Variants in RBFOX1 observed in about 807,000 individuals in gnomAD.
RBFOX1 encodes RNA binding fox-1 homolog 1, also known as RNA binding protein fox-1 homolog 1.
RBFOX1 carries 8 observed loss-of-function variants against 57.7 expected under a neutral mutation model. That is an observed-to-expected ratio of 0.14 (90% CI 0.08 to 0.25). The LOEUF (loss-of-function observed/expected upper bound fraction) is 0.25. Among genes scored for constraint, RBFOX1 ranks in the 10% least tolerant of loss-of-function variants. The pLI is 1.00. For synonymous variants in RBFOX1, 326 were observed against 222.4 expected (o/e 1.47, Z -4.15); for missense variants, 611 against 548.5 (o/e 1.11, Z -1.14).
At chr16:7,004,772 C>G (rs536854086) in intron 3 of RBFOX1, among the ~76,000 whole-genome samples, 1 of 152,162 alleles carries the variant, frequency 6.6e-6, no homozygotes, top group Non-Finnish European at 1.5e-5. Context: ...ATTGGCTGTA[C>G]CAGATTAAGA....
At chr16:6,902,827 C>G (rs778819582) in intron 3 of RBFOX1, among the ~76,000 whole-genome samples, 11 of 152,178 alleles carry the variant, frequency 7.2e-5, no homozygotes, top group Non-Finnish European at 1.6e-4. Flanking sequence ...CATGATTGTA[C>G]ACTGTTTTCC....
At chr16:6,525,682 C>A (rs1269321459) in intron 2 of RBFOX1, among the ~76,000 whole-genome samples, 1 of 152,072 alleles carries the variant, frequency 6.6e-6, no homozygotes, top group Non-Finnish European at 1.5e-5. Context: ...TGTCTTGTTG[C>A]TGTGTTCACT....
intron 4 of RBFOX1, among the ~76,000 whole-genome samples, chr16:7,321,507 G>A (rs1021999523): frequency 6.6e-6 from 1 of 152,112 alleles, no homozygotes; most frequent in Non-Finnish European, 1.5e-5. Flanking sequence ...AGCATAACAT[G>A]GGATTATGTA....
intron 4 of RBFOX1, among the ~76,000 whole-genome samples, chr16:7,193,569 G>A (rs2085956729): frequency 6.6e-6 from 1 of 152,202 alleles, no homozygotes; most frequent in South Asian, 2.1e-4. Flanking sequence ...GCTCTTATGA[G>A]CATTTTACAT....
chr16:6,718,227 A>G (rs2065225384), intron 3 of RBFOX1, among the ~76,000 whole-genome samples: 1 of 152,166 alleles, frequency 6.6e-6, no homozygotes, highest in Non-Finnish European at 1.5e-5. Flanking sequence ...ATTAATGTTT[A>G]TATATTGGTC....
intron 4 of RBFOX1, among the ~76,000 whole-genome samples, chr16:5,900,411 A>G (rs1424578309): frequency 6.6e-6 from 1 of 152,206 alleles, no homozygotes; most frequent in Non-Finnish European, 1.5e-5. Flanking sequence ...GAAAAAAAGA[A>G]AGAGAAAATT....
chr16:5,440,381 T>C (rs574155475), intron 1 of RBFOX1, among the ~76,000 whole-genome samples: 16 of 152,350 alleles, frequency 1.1e-4, no homozygotes, highest in African/African-American at 3.8e-4. Context: ...ATCACAAGTT[T>C]AGAGAACAGG....
intron 4 of RBFOX1, among the ~76,000 whole-genome samples, chr16:7,468,633 T>C (rs1239709242): frequency 6.6e-6 from 1 of 152,114 alleles, no homozygotes; most frequent in East Asian, 1.9e-4. Flanking sequence ...CTGGGGAACT[T>C]ATGTGTTGGT....
chr16:6,810,344 G>A (rs562604556), intron 3 of RBFOX1, among the ~76,000 whole-genome samples: 6 of 152,056 alleles, frequency 3.9e-5, no homozygotes, highest in Admixed American at 2.0e-4. Flanking sequence ...GGAGGCTTCC[G>A]TGCATTTTTT....
At chr16:6,274,657 T>C (rs1358865817) in intron 1 of RBFOX1, among the ~76,000 whole-genome samples, 1 of 152,198 alleles carries the variant, frequency 6.6e-6, no homozygotes, top group Non-Finnish European at 1.5e-5. Flanking sequence ...GATATCATAC[T>C]ATGGTTTTGA....
chr16:7,528,538 C>T (rs1468889789), intron 5 of RBFOX1, among the ~76,000 whole-genome samples: 2 of 152,084 alleles, frequency 1.3e-5, no homozygotes, highest in Non-Finnish European at 2.9e-5. Context: ...AGTGCTATGG[C>T]ACCATCTTAG....
intron 4 of RBFOX1, among the ~76,000 whole-genome samples, chr16:7,158,689 C>T (rs910907246): frequency 1.4e-5 from 2 of 138,670 alleles, no homozygotes; most frequent in Admixed American, 1.6e-4. Flanking sequence ...TATGGTGTGT[C>T]TGTGTGTTTG....
intron 3 of RBFOX1, among the ~76,000 whole-genome samples, chr16:5,762,270 T>C (rs1477094508): frequency 2.0e-5 from 3 of 151,952 alleles, no homozygotes; most frequent in Non-Finnish European, 4.4e-5. Context: ...TGGAAAAATG[T>C]TCAGACTGGG....
chr16:6,822,089 G>T (rs1410425505), intron 3 of RBFOX1, among the ~76,000 whole-genome samples: 1 of 152,134 alleles, frequency 6.6e-6, no homozygotes, highest in African/African-American at 2.4e-5. Flanking sequence ...GGTTGCGTGT[G>T]ATTTTTCTGC....
At chr16:5,545,247 G>C (rs2045143706) in intron 2 of RBFOX1, among the ~76,000 whole-genome samples, 1 of 151,910 alleles carries the variant, frequency 6.6e-6, no homozygotes, top group Admixed American at 6.6e-5. Flanking sequence ...CAAAGTGCTG[G>C]GATTACAGCT....
chr16:5,353,962 G>A (rs1350917634), intron 1 of RBFOX1, among the ~76,000 whole-genome samples: 6 of 152,086 alleles, frequency 3.9e-5, no homozygotes, highest in Non-Finnish European at 7.4e-5. Flanking sequence ...AAACCAAGCA[G>A]GATGAACGGA....
intron 3 of RBFOX1, among the ~76,000 whole-genome samples, chr16:5,743,324 G>A (rs1054385099): frequency 2.6e-5 from 4 of 152,148 alleles, no homozygotes; most frequent in African/African-American, 9.7e-5. Flanking sequence ...ATTGTGGGCT[G>A]AAATCAAATG....
chr16:6,819,700 T>G lies in RBFOX1; in HGVS notation c.-16+165050T>G, dbSNP rs189242989. On this transcript the variant is annotated intron_variant, in intron 3 of 15. Transcript: ENST00000550418. Reference sequence around the variant, plus strand: ...AGCCTGGGCAACAAGAGTGAAACTCTGACTCAAAAAAAAAAAAAAAAAAAA... The same window carrying G: ...AGCCTGGGCAACAAGAGTGAAACTCGGACTCAAAAAAAAAAAAAAAAAAAA... Among the ~76,000 whole-genome samples the G allele has an allele frequency of 7.9e-3, 473 of 60,002 alleles. 17 individuals are homozygous for G. In the East Asian group the frequency reaches 0.12, roughly 15 times the overall value. 39.4% of individuals were successfully genotyped at this position (60,002 alleles called of 152,430 possible).
chr16:5,591,323 C>G (rs2046999412), intron 2 of RBFOX1, among the ~76,000 whole-genome samples: 1 of 150,942 alleles, frequency 6.6e-6, no homozygotes, highest in Non-Finnish European at 1.5e-5. Context: ...ATGATTTCAG[C>G]TCACTGCAAC....
Sources: allele counts gnomAD v4.1 joint callset (sites outside exome capture counted in the v4.1 genomes callset), GRCh38; gene constraint gnomAD v4.1.1; transcripts MANE v1.5; gene names NCBI Gene and HGNC (gene_info 2026-07-23, HGNC 2026-07-21).